CLVS1: variants seen among roughly 807,000 people sequenced by gnomAD.
The protein encoded by CLVS1 is clavesin-1.
Under a neutral mutation model 33.1 loss-of-function variants are expected in CLVS1, and 10 were observed. That is an observed-to-expected ratio of 0.30 (90% CI 0.19 to 0.51). CLVS1 has a LOEUF of 0.51. Among genes scored for constraint, CLVS1 ranks in the 20% least tolerant of loss-of-function variants. CLVS1 has a pLI of 0.97. For missense variants in CLVS1, 343 were observed against 433.4 expected (o/e 0.79, Z 1.85); for synonymous variants, 163 against 166.1 (o/e 0.98, Z 0.14).
the CLVS1 span, among the ~76,000 whole-genome samples, chr8:60,987,264 T>C: frequency 6.6e-6 from 1 of 152,180 alleles, no homozygotes; most frequent in African/African-American, 2.4e-5. Context: ...GGCTTCCTGA[T>C]GGAAATGATG....
chr8:61,285,808 G>A (rs1809765330), upstream of CLVS1, among the ~76,000 whole-genome samples: 1 of 152,232 alleles, frequency 6.6e-6, no homozygotes, highest in Non-Finnish European at 1.5e-5. Flanking sequence ...TGAAGGAGAT[G>A]TCAGGATGAT....
chr8:61,490,589 C>T (rs565000182), intron 5 of CLVS1, among the ~76,000 whole-genome samples: 82 of 143,732 alleles, frequency 5.7e-4, no homozygotes, highest in Middle Eastern at 3.7e-3. Context: ...AATCCAGGGG[C>T]GGAGACTGCA....
intron 2 of CLVS1, among the ~76,000 whole-genome samples, chr8:61,164,407 C>T (rs1360456428): frequency 3.4e-4 from 51 of 152,198 alleles, no homozygotes; most frequent in Non-Finnish European, 5.9e-5. Context: ...GCTGGGCTGG[C>T]AAGCTTTGGT....
At chr8:61,093,872 G>A (rs1371139882) in intron 1 of CLVS1, among the ~76,000 whole-genome samples, 1 of 152,228 alleles carries the variant, frequency 6.6e-6, no homozygotes, top group Non-Finnish European at 1.5e-5. Context: ...GTTAATGGCT[G>A]TGCTGTTTTC....
chr8:61,487,868 T>C (rs1803936322), intron 5 of CLVS1, among the ~76,000 whole-genome samples: 1 of 152,198 alleles, frequency 6.6e-6, no homozygotes, highest in African/African-American at 2.4e-5. Context: ...AGGGAATGAG[T>C]CATCAACATT....
In CLVS1 at chr8:61,404,101, G is replaced by A. The variant is rs115852484; in HGVS notation, c.630+27322G>A. On this transcript the variant is annotated intron_variant, in intron 3 of 5. Coordinates refer to ENST00000325897, the MANE Select transcript of CLVS1 (RefSeq NM_173519.3). Reference sequence around the variant, plus strand: ...TGAGGATTCTTATGGAGCTGCTGGCGGATAAATATGGATGGGTGACTTAGG... The same window carrying A: ...TGAGGATTCTTATGGAGCTGCTGGCAGATAAATATGGATGGGTGACTTAGG... 6.0e-3 allele frequency among the ~76,000 whole-genome samples: 911 copies of A among 152,234 alleles called. 10 individuals carry two copies. Among genetic ancestry groups the A allele is most frequent in the African/African-American group, 0.021 (863 of 41,534 alleles).
intron 2 of CLVS1, among the ~76,000 whole-genome samples, chr8:61,208,985 A>T (rs1355207844): frequency 6.6e-6 from 1 of 152,180 alleles, no homozygotes; most frequent in Admixed American, 6.5e-5. Flanking sequence ...AGTGTAAAAG[A>T]CACAAAGTGA....
chr8:61,054,212 G>A (rs1804434156), upstream of CLVS1, among the ~76,000 whole-genome samples: 1 of 152,162 alleles, frequency 6.6e-6, no homozygotes, highest in South Asian at 2.1e-4. Flanking sequence ...GCCGCCCTGG[G>A]CACGACCAAA....
chr8:61,107,072 A>G (rs1280857913), intron 1 of CLVS1, among the ~76,000 whole-genome samples: 1 of 152,182 alleles, frequency 6.6e-6, no homozygotes, highest in Non-Finnish European at 1.5e-5. Flanking sequence ...AATGATCCTG[A>G]TGGATTTTAG....
chr8:61,059,102 C>A (rs1804531243), intron 1 of CLVS1, among the ~76,000 whole-genome samples: 1 of 152,072 alleles, frequency 6.6e-6, no homozygotes, highest in Non-Finnish European at 1.5e-5. Flanking sequence ...GTACACTTAA[C>A]TTTTTGAGAA....
intron 2 of CLVS1, among the ~76,000 whole-genome samples, chr8:61,159,992 T>C (rs1806721538): frequency 1.3e-5 from 2 of 152,226 alleles, no homozygotes; most frequent in South Asian, 2.1e-4. Flanking sequence ...GCTTAGACTT[T>C]TGCAGATAGA....
upstream of CLVS1, among the ~76,000 whole-genome samples, chr8:61,284,208 G>A (rs1809731129): frequency 6.6e-6 from 1 of 152,200 alleles, no homozygotes; most frequent in South Asian, 2.1e-4. Flanking sequence ...GTTACCACAG[G>A]ATGGAGAGGG....
Position 61,263,583 on chromosome 8 carries a change from T to A in CLVS1, c.-151-36094T>A, listed in dbSNP as rs140641656. On this transcript the variant is annotated intron_variant, in intron 2 of 2. Transcript: ENST00000522621. ...AGACATTTTGGCTAGTAGGAGAAAG[T>A]TAAATATTTGCATTTCTACTTTTTC... Among the ~76,000 whole-genome samples the A allele has an allele frequency of 3.2e-3, 488 of 152,310 alleles. 1 individual carries two copies. The highest frequency in any genetic ancestry group is 4.6e-3 in the Non-Finnish European group (315 of 68,038).
At chr8:61,290,181 C>T (rs901157831) in intron 1 of CLVS1, among the ~76,000 whole-genome samples, 1 of 152,182 alleles carries the variant, frequency 6.6e-6, no homozygotes, top group African/African-American at 2.4e-5. Context: ...CTGTCTTCCT[C>T]TGCTTAATAC....
intron 2 of CLVS1, among the ~76,000 whole-genome samples, chr8:61,303,306 A>AT (rs1810502290): frequency 6.6e-6 from 1 of 152,186 alleles, no homozygotes; most frequent in South Asian, 2.1e-4. Flanking sequence ...AATAATCCAA[A>AT]TGTTTATGAT....
chr8:61,479,178 TCC>T (rs1442454328), intron 5 of CLVS1, among the ~76,000 whole-genome samples: 2 of 152,232 alleles, frequency 1.3e-5, no homozygotes, highest in Admixed American at 1.3e-4. Flanking sequence ...AAGAGTGTTT[TCC>T]AACTTGGTTC....
chr8:61,186,646 A>G (rs1239975247), intron 2 of CLVS1, among the ~76,000 whole-genome samples: 2 of 152,200 alleles, frequency 1.3e-5, no homozygotes, highest in Non-Finnish European at 2.9e-5. Flanking sequence ...AGAAGGAAAG[A>G]AAGAGAAGAC....
At chr8:61,421,416 A>G (rs985223256) in intron 3 of CLVS1, among the ~76,000 whole-genome samples, 6 of 152,214 alleles carry the variant, frequency 3.9e-5, no homozygotes, top group South Asian at 2.1e-4. Flanking sequence ...AGGGTGGTAC[A>G]TGTGTGGGGT....
intron 5 of CLVS1, among the ~76,000 whole-genome samples, chr8:61,463,162 C>T (rs184683799): frequency 6.6e-6 from 1 of 152,270 alleles, no homozygotes; most frequent in African/African-American, 2.4e-5. Flanking sequence ...CTGCTAGCTT[C>T]CAATTTTTCT....
Sources: gnomAD v4.1 joint callset for allele counts (sites outside exome capture counted in the v4.1 genomes callset) on GRCh38, gnomAD v4.1.1 for gene constraint, MANE v1.5 for transcripts, NCBI Gene and HGNC (gene_info 2026-07-23, HGNC 2026-07-21) for gene names.